PKP4: variants seen among roughly 807,000 people sequenced by gnomAD.
PKP4 encodes the protein plakophilin-4.
In PKP4, 90 loss-of-function variants were observed where a neutral mutation model predicts 145.1. The ratio of observed to expected loss-of-function variants is 0.62; its 90% confidence interval spans 0.52 to 0.74. PKP4 has a LOEUF of 0.74. PKP4 is among the 30% of genes least tolerant of loss of function. The pLI is 0.00. For missense variants in PKP4, 1,340 were observed against 1,482.7 expected (o/e 0.90, Z 1.58); for synonymous variants, 563 against 577.2 (o/e 0.98, Z 0.35).
intron 11 of PKP4, among the ~76,000 whole-genome samples, chr2:158,652,415 CA>C (rs1342771531): frequency 6.6e-6 from 1 of 152,120 alleles, no homozygotes; most frequent in Non-Finnish European, 1.5e-5. Context: ...AGCATCTTGG[CA>C]TTACTCTCGT....
chr2:158,472,867 A>C (rs1387268421), intron 1 of PKP4, among the ~76,000 whole-genome samples: 1 of 152,182 alleles, frequency 6.6e-6, no homozygotes, highest in Non-Finnish European at 1.5e-5. Context: ...TTTACAACAG[A>C]GTAATGGGAC....
chr2:158,620,760 TACAATC>T (rs765170202), intron 4 of PKP4, among the ~76,000 whole-genome samples: 7 of 152,166 alleles, frequency 4.6e-5, no homozygotes, highest in South Asian at 2.1e-4. Context: ...TATTGAGACT[TACAATC>T]ACAACAAACA....
chr2:158,602,577 A>G (rs2050316539), intron 3 of PKP4, among the ~76,000 whole-genome samples: 1 of 152,254 alleles, frequency 6.6e-6, no homozygotes, highest in Admixed American at 6.5e-5. Flanking sequence ...CCTGGCTTAT[A>G]GGACCTTATA....
intron 3 of PKP4, among the ~76,000 whole-genome samples, chr2:158,602,359 T>G (rs2050298763): frequency 6.6e-6 from 1 of 152,308 alleles, no homozygotes; most frequent in East Asian, 1.9e-4. Context: ...AGATCATATG[T>G]GAAATGCTTA....
At chr2:158,494,383 A>G (rs1018972595) in intron 1 of PKP4, among the ~76,000 whole-genome samples, 3 of 152,010 alleles carry the variant, frequency 2.0e-5, no homozygotes, top group African/African-American at 7.2e-5. Context: ...TGTAAACTAC[A>G]GCGTTATTTG....
chr2:158,601,610 G>C (rs2050235231), intron 3 of PKP4, among the ~76,000 whole-genome samples: 1 of 152,150 alleles, frequency 6.6e-6, no homozygotes, highest in African/African-American at 2.4e-5. Flanking sequence ...TCAGCTAAGA[G>C]TGTTTCAGAT....
intron 17 of PKP4, 26 bp from the exon 18 acceptor site, chr2:158,673,651 C>G (rs1293393914): frequency 6.4e-7 from 1 of 1,551,542 alleles, no homozygotes; most frequent in Non-Finnish European, 8.9e-7. Flanking sequence ...CACCCACATT[C>G]ATTAATATCC....
At chr2:158,478,967 G>T (rs569103801) in intron 1 of PKP4, among the ~76,000 whole-genome samples, 1 of 152,192 alleles carries the variant, frequency 6.6e-6, no homozygotes, top group African/African-American at 2.4e-5. Flanking sequence ...ATGATTTCCT[G>T]TCACATTTTC....
intron 1 of PKP4, among the ~76,000 whole-genome samples, chr2:158,482,486 A>G (rs1693511537): frequency 6.6e-6 from 1 of 152,226 alleles, no homozygotes; most frequent in African/African-American, 2.4e-5. Flanking sequence ...AATGTCAGTG[A>G]AAGTTTTATT....
At chr2:158,675,151 T>G (rs1185980575) in intron 19 of PKP4, among the ~76,000 whole-genome samples, 2 of 152,156 alleles carry the variant, frequency 1.3e-5, no homozygotes, top group Non-Finnish European at 2.9e-5. Flanking sequence ...CCAGGGAAAT[T>G]AAGATGTGTG....
chr2:158,609,452 T>C (rs2050941233), intron 4 of PKP4, among the ~76,000 whole-genome samples: 1 of 152,242 alleles, frequency 6.6e-6, no homozygotes, highest in Non-Finnish European at 1.5e-5. Flanking sequence ...GATTTAGGAT[T>C]GAAGGTCCTC....
At chr2:158,542,787 A>G (rs1420894815) in intron 2 of PKP4, among the ~76,000 whole-genome samples, 1 of 152,134 alleles carries the variant, frequency 6.6e-6, no homozygotes, top group Non-Finnish European at 1.5e-5. Flanking sequence ...TACTACCACC[A>G]CCACCACTAC....
intron 1 of PKP4, 93 bp downstream of exon 1, chr2:158,457,311 CGCCGGGG>C (rs888072317): frequency 2.0e-5 from 3 of 151,612 alleles, no homozygotes; most frequent in African/African-American, 2.4e-5. Context: ...AGGACCTGCG[CGCCGGGG>C]GCCGGGGGCC....
intron 2 of PKP4, among the ~76,000 whole-genome samples, chr2:158,556,958 G>A (rs1465691292): frequency 6.6e-6 from 1 of 151,972 alleles, no homozygotes; most frequent in Non-Finnish European, 1.5e-5. Flanking sequence ...ACACCCTGAA[G>A]ATCATGGCAT....
At chr2:158,570,529 A>G (rs1180146515) in intron 2 of PKP4, among the ~76,000 whole-genome samples, 5 of 152,228 alleles carry the variant, frequency 3.3e-5, no homozygotes, top group Non-Finnish European at 5.9e-5. Context: ...TTTTCAACCA[A>G]CAACAATTGA....
chr2:158,468,313 T>A (rs1485025149), intron 1 of PKP4, among the ~76,000 whole-genome samples: 1 of 152,216 alleles, frequency 6.6e-6, no homozygotes, highest in African/African-American at 2.4e-5. Context: ...GTCTATAAAA[T>A]CAAGTCTTTT....
intron 1 of PKP4, among the ~76,000 whole-genome samples, chr2:158,476,243 T>G (rs1458315842): frequency 6.6e-6 from 1 of 152,222 alleles, no homozygotes; most frequent in Non-Finnish European, 1.5e-5. Flanking sequence ...TTGGTTTTCA[T>G]CCACATGTAC....
chr2:158,538,201 G>T (rs974378107), intron 2 of PKP4, among the ~76,000 whole-genome samples: 1 of 152,152 alleles, frequency 6.6e-6, no homozygotes, highest in Non-Finnish European at 1.5e-5. Flanking sequence ...AACTTACTTA[G>T]ATGGGTCAGA....
intron 1 of PKP4, among the ~76,000 whole-genome samples, chr2:158,472,666 A>T (rs887369044): frequency 1.1e-4 from 17 of 151,762 alleles, no homozygotes; most frequent in African/African-American, 4.1e-4. Flanking sequence ...TGACCATATC[A>T]GTTTTTATGT....
Sources: allele counts gnomAD v4.1 joint callset (sites outside exome capture counted in the v4.1 genomes callset), GRCh38; gene constraint gnomAD v4.1.1; transcripts MANE v1.5; gene names NCBI Gene and HGNC (gene_info 2026-07-23, HGNC 2026-07-21).